Variants in ABCC3 observed in about 807,000 individuals in gnomAD.
ABCC3 encodes the protein ATP-binding cassette sub-family C member 3.
ABCC3 carries 121 observed loss-of-function variants against 165.3 expected under a neutral mutation model. The observed-to-expected ratio is 0.73, with a 90% CI of 0.63 to 0.85. The LOEUF (loss-of-function observed/expected upper bound fraction) is 0.85, where lower values mean the gene tolerates loss of function less well. Ranked by LOEUF, ABCC3 falls within the 40% of genes least tolerant of loss-of-function variation. The pLI is 0.00. For synonymous variants in ABCC3, 733 were observed against 810.1 expected (o/e 0.90, Z 1.62); for missense variants, 1,869 against 1,964.1 (o/e 0.95, Z 0.92).
intron 1 of ABCC3, chr17:50,635,509 C>T (rs1271673301): frequency 7.1e-6 from 5 of 702,480 alleles, no homozygotes; most frequent in Non-Finnish European, 2.6e-6. Context: ...TTCCTGCCAC[C>T]TTCTTTTCTC....
chr17:50,666,113 TG>T (rs1450891173), intron 11 of ABCC3, among the ~76,000 whole-genome samples: 2 of 152,284 alleles, frequency 1.3e-5, no homozygotes, highest in East Asian at 3.9e-4. Flanking sequence ...TCCCTCTGCC[TG>T]GAATGCTTGT....
chr17:50,668,300 AG>A (rs1967569635), intron 13 of ABCC3, 129 bp from the exon 14 acceptor site: 2 of 752,302 alleles, frequency 2.7e-6, no homozygotes, highest in East Asian at 5.1e-5. Context: ...CAGTCGTGGG[AG>A]GGACCCCAGT....
intron 23 of ABCC3, among the ~76,000 whole-genome samples, chr17:50,677,084 G>T (rs187509240): frequency 1.3e-5 from 2 of 152,322 alleles, no homozygotes; most frequent in African/African-American, 2.4e-5. Flanking sequence ...GTTTCACTAT[G>T]TTGGCCAGGC....
At chr17:50,653,983 A>G (rs1967170381) in intron 1 of ABCC3, among the ~76,000 whole-genome samples, 1 of 152,304 alleles carries the variant, frequency 6.6e-6, no homozygotes, top group Admixed American at 6.5e-5. Context: ...AGAAACTCTC[A>G]TGTTAGGTTT....
At chr17:50,688,724 T>A (rs1009684818) in intron 30 of ABCC3, among the ~76,000 whole-genome samples, 1 of 151,460 alleles carries the variant, frequency 6.6e-6, no homozygotes, top group Non-Finnish European at 1.5e-5. Flanking sequence ...CTGTCTCTAC[T>A]AAAAACAAAA....
chr17:50,673,696 C>G (rs1967700654), intron 19 of ABCC3, 38 bp downstream of exon 19: 1 of 1,596,930 alleles, frequency 6.3e-7, no homozygotes, highest in African/African-American at 1.3e-5. Context: ...CCCATGCCTT[C>G]CCAGCATTCC....
intron 1 of ABCC3, among the ~76,000 whole-genome samples, chr17:50,640,668 G>A (rs111573351): frequency 0.031 from 4,673 of 152,228 alleles, 262 homozygotes; most frequent in African/African-American, 0.11. Flanking sequence ...ACAGGCATGC[G>A]CCACCATGCC....
chr17:50,691,082 T>C lies in ABCC3; in HGVS notation c.4476-10T>C. ...ATGGAAACCTGACCACTTCTCTCTT[T>C]TTTGACTAGGGTCCTGGTCCTGGAC... On this transcript the variant is annotated splice_polypyrimidine_tract_variant and intron_variant, in intron 30 of 30. Coordinates refer to ENST00000285238, the MANE Select transcript of ABCC3 (RefSeq NM_003786.4). 1 of 1,610,098 alleles carries C rather than the reference T, an allele frequency of 6.2e-7. No individual in the cohort carries two copies. The highest frequency in any genetic ancestry group is 1.1e-5 in the South Asian group (1 of 90,984).
In ABCC3 at chr17:50,635,693, C is replaced by T. The variant is rs987938876; in HGVS notation, c.45+712C>T. ...AGAGGAAGGGACTTGCCCAAAGTTA[C>T]CCAGTTCAATGAAGGCAGAGCTGGG... On this transcript the variant is annotated intron_variant, in intron 1 of 30. Coordinates refer to ENST00000285238, the MANE Select transcript of ABCC3 (RefSeq NM_003786.4). 1.3e-5 allele frequency: 9 copies of T among 671,982 alleles called. No individual in the cohort carries two copies. The African/African-American group carries it at 1.6e-4, about 12-fold the overall frequency. The allele number at this position is 671,982 out of a possible 1,614,324, so 41.6% of individuals were successfully genotyped here. A position where few individuals can be genotyped will look rare whatever the true frequency, so the allele number is the denominator to read the frequency against.
rs781648694 is a variant in ABCC3 at position 50,669,420 on chromosome 17, CG to C, written c.2135del (p.Gly712AlafsTer4). 6.2e-7 allele frequency: 1 copy of C among 1,614,240 alleles called. No homozygotes were observed. Among genetic ancestry groups the C allele is most frequent in the African/African-American group, 1.3e-5 (1 of 75,072 alleles). On this transcript the variant is annotated frameshift_variant, in exon 17 of 31. Transcript: ENST00000285238. LOFTEE classifies it high-confidence loss of function. ...NCTLQENVLFGKALNPKRYQQ... is the reference protein window; with the variant it reads ...NCTLQENVLFXKALNPKRYQQ... ...GCACTCTTCAGGAAAACGTGCTTTT[CG>C]GCAAAGCCCTGAACCCCAAGCGCTA...
intron 17 of ABCC3, 21 bp downstream of exon 17, chr17:50,669,549 C>T (rs370130501): frequency 6.2e-7 from 1 of 1,611,796 alleles, no homozygotes. Context: ...CTCTTCCATC[C>T]CTAAGAGGCT....
intron 7 of ABCC3, among the ~76,000 whole-genome samples, chr17:50,660,652 C>G (rs1368057625): frequency 6.6e-6 from 1 of 152,172 alleles, no homozygotes; most frequent in Non-Finnish European, 1.5e-5. Flanking sequence ...CTGGAGCCAG[C>G]ACTGGGGAGG....
intron 19 of ABCC3, among the ~76,000 whole-genome samples, chr17:50,673,998 C>G (rs1444277176): frequency 1.5e-4 from 1 of 6,884 alleles, no homozygotes; most frequent in Non-Finnish European, 2.7e-4. Context: ...CTCTCTCTCT[C>G]TCTCTCTCTC....
At chr17:50,652,420 T>A (rs17562516) in intron 1 of ABCC3, among the ~76,000 whole-genome samples, 31,430 of 152,178 alleles carry the variant, frequency 0.21, 4,280 homozygotes, top group Non-Finnish European at 0.29. Flanking sequence ...GTTTGATTTC[T>A]GTAAGGAACC....
At chr17:50,641,479 G>C (rs1021127365) in intron 1 of ABCC3, among the ~76,000 whole-genome samples, 1 of 152,190 alleles carries the variant, frequency 6.6e-6, no homozygotes, top group Non-Finnish European at 1.5e-5. Context: ...CTGAGTTGGA[G>C]ACCCTTCTGG....
rs1968123928 is a variant in ABCC3, at chr17:50,691,546, T to G, written c.*346T>G. 5.0e-6 allele frequency: 1 copy of G among 201,214 alleles called. No individual in the cohort carries two copies. Among genetic ancestry groups the G allele is most frequent in the Admixed American group, 5.4e-5 (1 of 18,462 alleles). 12.5% of individuals were successfully genotyped at this position (201,214 alleles called of 1,614,324 possible). Reference sequence around the variant, plus strand: ...CTGATTTTTCATATTTTCTAAAGTTTCGTTTCTGTTTTTTAATAAAAAGCT... The same window carrying G: ...CTGATTTTTCATATTTTCTAAAGTTGCGTTTCTGTTTTTTAATAAAAAGCT... On this transcript the variant is annotated 3_prime_UTR_variant, in exon 31 of 31. Transcript: ENST00000285238.
chr17:50,676,916 G>A (rs1567837047), intron 23 of ABCC3, among the ~76,000 whole-genome samples: 2 of 149,558 alleles, frequency 1.3e-5, no homozygotes, highest in East Asian at 2.0e-4. Flanking sequence ...CTCGAGTCTC[G>A]CTCTGTCGCT....
At chr17:50,671,862 C>T (rs1224210256) in intron 17 of ABCC3, among the ~76,000 whole-genome samples, 1 of 151,888 alleles carries the variant, frequency 6.6e-6, no homozygotes, top group Non-Finnish European at 1.5e-5. Flanking sequence ...GCTGGGATTA[C>T]AGGCGCACGC....
chr17:50,665,603 T>C (rs1245793020), intron 11 of ABCC3, among the ~76,000 whole-genome samples: 1 of 142,606 alleles, frequency 7.0e-6, no homozygotes, highest in Non-Finnish European at 1.5e-5. Context: ...TGAAGTGTTT[T>C]TTTTCTTTTT....
Sources: gnomAD v4.1 joint callset for allele counts (sites outside exome capture counted in the v4.1 genomes callset) on GRCh38, gnomAD v4.1.1 for gene constraint, MANE v1.5 for transcripts, NCBI Gene and HGNC (gene_info 2026-07-23, HGNC 2026-07-21) for gene names.